Variants in RPL14 observed in about 807,000 individuals in gnomAD.
RPL14 encodes large ribosomal subunit protein eL14.
A neutral mutation model predicts 25.3 loss-of-function variants in RPL14; 4 were observed. The observed-to-expected ratio is 0.16, with a 90% CI of 0.08 to 0.36. The LOEUF is 0.36. Ranked by LOEUF, RPL14 falls within the 10% of genes least tolerant of loss-of-function variation. The probability of loss-of-function intolerance (pLI) is 1.00; values close to 1 mark genes in which losing one functional copy is unlikely to be tolerated. For missense variants in RPL14, 212 were observed against 261.9 expected (o/e 0.81, Z 1.31); for synonymous variants, 75 against 89.8 (o/e 0.84, Z 0.93).
intron 1 of RPL14, 96 bp from the exon 2 acceptor site, chr3:40,457,794 C>T: frequency 1.6e-6 from 2 of 1,226,098 alleles, no homozygotes; most frequent in South Asian, 1.2e-5. Context: ...CATTCTTTTT[C>T]GCTGAATTTA....
chr3:40,460,890 G>A (rs1222082820), intron 3 of RPL14, among the ~76,000 whole-genome samples: 1 of 147,684 alleles, frequency 6.8e-6, no homozygotes, highest in African/African-American at 2.5e-5. Context: ...TCAAGAGGTA[G>A]TTTTTAAATT....
chr3:40,463,033 T>G lies in RPL14; in HGVS notation c.*801T>G, dbSNP rs866352437. 1.3e-5 allele frequency: 2 copies of G among 152,104 alleles called. No individual in the cohort carries two copies. Among genetic ancestry groups the G allele is most frequent in the African/African-American group, 4.8e-5 (2 of 41,398 alleles). The allele number at this position is 152,104 out of a possible 1,614,324, so 9.4% of individuals were successfully genotyped here. ...TCCGGGTTCAAGTGATTCTCCTGCCTTGGCTTCCCAGGTAGCTGGGACTAC... is the reference window on the plus strand; with the variant it reads ...TCCGGGTTCAAGTGATTCTCCTGCCGTGGCTTCCCAGGTAGCTGGGACTAC... On this transcript the variant is annotated 3_prime_UTR_variant, in exon 6 of 6. Coordinates refer to ENST00000396203, the MANE Select transcript of RPL14 (RefSeq NM_001034996.3).
At chr3:40,461,851 C>A in intron 5 of RPL14, 88 bp from the exon 6 acceptor site, 2 of 1,420,846 alleles carry the variant, frequency 1.4e-6, no homozygotes, top group Non-Finnish European at 1.9e-6. Flanking sequence ...GGGAAACAGA[C>A]TACTTAATGC....
rs1377004667 is a variant in RPL14, at chr3:40,467,061, G to A, written c.*4829G>A. On this transcript the variant is annotated 3_prime_UTR_variant, in exon 6 of 6. Transcript: ENST00000396203. The stretch of plus-strand genomic sequence containing the variant: ...TTCATTATCTCCACTTCCAATTCCA[G>A]TACCCTGTGTAAAGGAAAACATATA... The A allele has an allele frequency of 6.6e-6, 1 of 151,920 alleles. No individual in the cohort carries two copies. Among genetic ancestry groups the A allele is most frequent in the Non-Finnish European group, 1.5e-5 (1 of 68,008 alleles). The allele number at this position is 151,920 out of a possible 1,614,324, so 9.4% of individuals were successfully genotyped here.
intron 2 of RPL14, chr3:40,458,204 A>G: frequency 6.8e-6 from 4 of 589,394 alleles, no homozygotes; most frequent in Non-Finnish European, 1.2e-5. Flanking sequence ...AGCTAGAGCC[A>G]GTTATAGGCT....
In RPL14 at chr3:40,459,350, C is replaced by A. The variant is rs1009289871; in HGVS notation, c.200+614C>A. Among the ~76,000 whole-genome samples, 87 of 152,278 alleles carry A rather than the reference C, an allele frequency of 5.7e-4. 1 individual carries two copies. Among genetic ancestry groups the A allele is most frequent in the African/African-American group, 2.1e-3 (87 of 41,544 alleles). ...TCTTGTGTTTATTGCTACTAGCTAT[C>A]ATTAGATAAGCTCTCAGTGTGTGTC... is the stretch of plus-strand genomic sequence containing the variant. On this transcript the variant is annotated intron_variant, in intron 3 of 5. Coordinates refer to ENST00000396203, the MANE Select transcript of RPL14 (RefSeq NM_001034996.3).
chr3:40,462,291 C>T lies in RPL14; in HGVS notation c.*59C>T. 1 of 1,495,386 alleles carries T rather than the reference C, an allele frequency of 6.7e-7. No homozygotes were observed. The highest frequency in any genetic ancestry group is 2.4e-5 in the East Asian group (1 of 42,078). 92.6% of individuals were successfully genotyped at this position (1,495,386 alleles called of 1,614,324 possible). ...TGACCTGTTGACAAATGTATTTAAG[C>T]CTTTGGATTTAAAGCCTGTTGAGGC... is the stretch of plus-strand genomic sequence containing the variant. On this transcript the variant is annotated 3_prime_UTR_variant, in exon 6 of 6. Coordinates refer to ENST00000396203, the MANE Select transcript of RPL14 (RefSeq NM_001034996.3).
At position 40,468,175 on chromosome 3, in the gene RPL14, TC is replaced by T. The variant is rs1697055613; in HGVS notation, c.*5945del. 1 of 152,240 alleles carries T rather than the reference TC, an allele frequency of 6.6e-6. No individual in the cohort carries two copies. The highest frequency in any genetic ancestry group is 1.5e-5 in the Non-Finnish European group (1 of 68,062). The allele number at this position is 152,240 out of a possible 1,614,324, so 9.4% of individuals were successfully genotyped here. ...TATTTAAACAGTGCTTCCGTGAATGTCCTTGTGTACACCTCCTTCTGTACAC... is the reference window on the plus strand; with the variant it reads ...TATTTAAACAGTGCTTCCGTGAATGTCTTGTGTACACCTCCTTCTGTACAC... On this transcript the variant is annotated 3_prime_UTR_variant, in exon 6 of 6. Coordinates refer to ENST00000396203, the MANE Select transcript of RPL14 (RefSeq NM_001034996.3).
chr3:40,458,757 C>T (rs1365373197), intron 3 of RPL14, 21 bp downstream of exon 3: 4 of 1,590,312 alleles, frequency 2.5e-6, no homozygotes, highest in African/African-American at 1.3e-5. Flanking sequence ...ACTAATCACT[C>T]CTCCCTCCCA....
rs1283313184 is a variant in RPL14 at position 40,457,398 on chromosome 3, A to G, written c.-74A>G. The G allele has an allele frequency of 1.3e-6, 2 of 1,599,786 alleles. No individual in the cohort carries two copies. Among genetic ancestry groups the G allele is most frequent in the Non-Finnish European group, 1.7e-6 (2 of 1,172,574 alleles). ...ACTGTTGCGGGCTCCGGGGCCGTCG[A>G]CCATGCCGCTCGACCTCCACCTCCG... On this transcript the variant is annotated 5_prime_UTR_variant, in exon 1 of 6. Coordinates refer to ENST00000396203, the MANE Select transcript of RPL14 (RefSeq NM_001034996.3).
chr3:40,460,972 G>A (rs1696928032), intron 3 of RPL14, among the ~76,000 whole-genome samples: 1 of 152,114 alleles, frequency 6.6e-6, no homozygotes. Flanking sequence ...CAAGGTGGAG[G>A]GTTGCTTGAG....
At chr3:40,457,773 G>A in intron 1 of RPL14, 117 bp from the exon 2 acceptor site, 3 of 1,027,356 alleles carry the variant, frequency 2.9e-6, no homozygotes, top group East Asian at 2.5e-5. Context: ...TCGGGCGTTT[G>A]TTCCCTGCAG....
In RPL14 at chr3:40,462,062, A is replaced by G. The variant is rs200879671; in HGVS notation, c.478A>G (p.Lys160Glu). The G allele has an allele frequency of 8.9e-5, 67 of 754,644 alleles. No individual in the cohort carries two copies. The highest frequency in any genetic ancestry group is 2.8e-4 in the Admixed American group (7 of 24,598). The allele number at this position is 754,644 out of a possible 1,614,324, so 46.7% of individuals were successfully genotyped here. A position where few individuals can be genotyped will look rare whatever the true frequency, so the allele number is the denominator to read the frequency against. The change falls in exon 6 of 6, where the codon AAA becomes GAA. Residue 160 changes from lysine to glutamate, a missense_variant. By Grantham distance (56) the Lys-to-Glu change is moderately conservative. This residue lies in a region of RPL14 where 3 missense variants were observed against 18.9 expected (regional missense o/e 0.16). Transcript: ENST00000396203. Reference protein sequence around the residue: ...AAAAAAAAAAKVPAKKITAAS... With the variant: ...AAAAAAAAAAEVPAKKITAAS... ...TGCTGCTGCTGCTGCTGCTGCTGCT[A>G]AAGTTCCAGCAAAAAAGATCACCGC...
Position 40,464,573 on chromosome 3 carries a change from T to C in RPL14, c.*2341T>C. 1 of 452,482 alleles carries C rather than the reference T, an allele frequency of 2.2e-6. No homozygotes were observed. The highest frequency in any genetic ancestry group is 4.4e-6 in the Non-Finnish European group (1 of 225,340). 28.0% of individuals were successfully genotyped at this position (452,482 alleles called of 1,614,324 possible). Reference sequence around the variant, plus strand: ...AGGAAGTAGGTTAGTGGTTAGATCGTGTAGGGGAACACGGGAAGCTACTGA... The same window carrying C: ...AGGAAGTAGGTTAGTGGTTAGATCGCGTAGGGGAACACGGGAAGCTACTGA... On this transcript the variant is annotated 3_prime_UTR_variant, in exon 6 of 6. Transcript: ENST00000396203.
intron 3 of RPL14, among the ~76,000 whole-genome samples, chr3:40,459,876 A>AAC (rs1696908960): frequency 6.6e-6 from 1 of 151,214 alleles, no homozygotes; most frequent in Non-Finnish European, 1.5e-5. Flanking sequence ...AAAAAAAAAA[A>AAC]AAAACTTACT....
chr3:40,464,310 C>A lies in RPL14; in HGVS notation c.*2078C>A, dbSNP rs74793792. ...TTCCTAACCAAAAGCTAGCTTCAGG[C>A]GTCACTGGGGTAAAGGAAAAAGCAC... On this transcript the variant is annotated 3_prime_UTR_variant, in exon 6 of 6. Coordinates refer to ENST00000396203, the MANE Select transcript of RPL14 (RefSeq NM_001034996.3). 1 of 356,778 alleles carries A rather than the reference C, an allele frequency of 2.8e-6. No homozygotes were observed. The highest frequency in any genetic ancestry group is 2.1e-5 in the South Asian group (1 of 46,954). The allele number at this position is 356,778 out of a possible 1,614,324, so 22.1% of individuals were successfully genotyped here.
chr3:40,457,760 C>T, intron 1 of RPL14, 130 bp from the exon 2 acceptor site: 3 of 899,578 alleles, frequency 3.3e-6, no homozygotes, highest in Non-Finnish European at 5.2e-6. Flanking sequence ...TGGCGCCTGG[C>T]TCTCGGGCGT....
In RPL14 at chr3:40,462,862, T is replaced by C. The variant is rs1422693958; in HGVS notation, c.*630T>C. 1 of 152,208 alleles carries C rather than the reference T, an allele frequency of 6.6e-6. No individual in the cohort carries two copies. The highest frequency in any genetic ancestry group is 1.5e-5 in the Non-Finnish European group (1 of 68,038). 9.4% of individuals were successfully genotyped at this position (152,208 alleles called of 1,614,324 possible). On this transcript the variant is annotated 3_prime_UTR_variant, in exon 6 of 6. Transcript: ENST00000396203. ...TCTTTTTTCCTTGTACAAATATGTT[T>C]GCCATAAATAGGTAAAGTGACAGCC...
chr3:40,458,169 A>G (rs1262016797), intron 2 of RPL14, 178 bp downstream of exon 2: 4 of 616,666 alleles, frequency 6.5e-6, no homozygotes, highest in Non-Finnish European at 8.6e-6. Flanking sequence ...AGCTATTAGT[A>G]TTGAATTTCA....
Sources: gnomAD v4.1 joint callset for allele counts (sites outside exome capture counted in the v4.1 genomes callset) on GRCh38, gnomAD v4.1.1 for gene constraint, gnomAD v4.1.1 regional missense constraint, MANE v1.5 for transcripts, NCBI Gene and HGNC (gene_info 2026-07-23, HGNC 2026-07-21) for gene names.